Variants in SCHIP1 observed in about 807,000 individuals in gnomAD.
SCHIP1 encodes schwannomin interacting protein 1.
A neutral mutation model predicts 29.7 loss-of-function variants in SCHIP1; 8 were observed. The ratio of observed to expected loss-of-function variants is 0.27; its 90% CI spans 0.16 to 0.49. The LOEUF is 0.49. Among genes scored for constraint, SCHIP1 ranks in the 20% least tolerant of loss-of-function variants. SCHIP1 has a pLI of 0.99. For synonymous variants in SCHIP1, 76 were observed against 94.9 expected, an observed-to-expected ratio of 0.80 and a Z score of 1.16; for missense variants, 193 against 294.6, an observed-to-expected ratio of 0.66 and a Z score of 2.52.
chr3:159,348,231 A>G, the SCHIP1 span, among the ~76,000 whole-genome samples: 1 of 152,152 alleles, frequency 6.6e-6, no homozygotes, highest in African/African-American at 2.4e-5. Context: ...TAGCAAAGAT[A>G]CCACATACCT....
chr3:159,760,947 G>A, the SCHIP1 span, among the ~76,000 whole-genome samples: 20 of 152,216 alleles, frequency 1.3e-4, no homozygotes, highest in Admixed American at 3.9e-4. Flanking sequence ...TAAATGCAGT[G>A]AGTGTCACGG....
chr3:159,701,518 T>C, the SCHIP1 span, among the ~76,000 whole-genome samples: 10 of 152,342 alleles, frequency 6.6e-5, no homozygotes, highest in African/African-American at 2.2e-4. Flanking sequence ...ATCTTGATTC[T>C]TTAATAACTT....
chr3:159,554,418 G>C, the SCHIP1 span, among the ~76,000 whole-genome samples: 1 of 152,154 alleles, frequency 6.6e-6, no homozygotes, highest in Non-Finnish European at 1.5e-5. Context: ...TTTGGCCTTA[G>C]ATACATTCCT....
chr3:159,417,288 A>C, the SCHIP1 span, among the ~76,000 whole-genome samples: 2 of 152,220 alleles, frequency 1.3e-5, no homozygotes, highest in East Asian at 3.9e-4. Flanking sequence ...TAGGAGACTC[A>C]ATTGGCAGAA....
the SCHIP1 span, among the ~76,000 whole-genome samples, chr3:159,592,714 A>G: frequency 2.6e-5 from 4 of 152,070 alleles, no homozygotes; most frequent in African/African-American, 9.7e-5. Flanking sequence ...CTTTGTTCAT[A>G]TAACACTGTG....
At chr3:159,678,813 T>C in the SCHIP1 span, among the ~76,000 whole-genome samples, 2 of 152,110 alleles carry the variant, frequency 1.3e-5, no homozygotes, top group Non-Finnish European at 2.9e-5. Context: ...CTTCACAGAG[T>C]GGCAGAAGAC....
At chr3:159,552,032 CT>C in the SCHIP1 span, among the ~76,000 whole-genome samples, 3,326 of 103,520 alleles carry the variant, frequency 0.032, 21 homozygotes, top group East Asian at 0.12. Context: ...TGCCACATTG[CT>C]TTTTTTTTTT....
the SCHIP1 span, among the ~76,000 whole-genome samples, chr3:159,407,188 G>GA: frequency 6.6e-6 from 1 of 151,868 alleles, no homozygotes; most frequent in Non-Finnish European, 1.5e-5. Context: ...CAAAAATAAT[G>GA]AAAAAATATG....
chr3:159,660,580 A>G, the SCHIP1 span, among the ~76,000 whole-genome samples: 20 of 152,284 alleles, frequency 1.3e-4, no homozygotes, highest in Middle Eastern at 0.014. Flanking sequence ...ACATATGCAC[A>G]CATACAATGA....
At chr3:159,419,477 A>C in the SCHIP1 span, among the ~76,000 whole-genome samples, 1 of 152,152 alleles carries the variant, frequency 6.6e-6, no homozygotes, top group Non-Finnish European at 1.5e-5. Context: ...TTCTTTCTCC[A>C]CATTTTCACA....
chr3:159,820,038 G>A, the SCHIP1 span, among the ~76,000 whole-genome samples: 11 of 152,218 alleles, frequency 7.2e-5, no homozygotes, highest in Admixed American at 7.2e-4. Flanking sequence ...GGATTGGCCA[G>A]ATATTTCTGG....
the SCHIP1 span, among the ~76,000 whole-genome samples, chr3:159,333,808 A>G: frequency 7.0e-6 from 1 of 143,010 alleles, no homozygotes; most frequent in Non-Finnish European, 1.5e-5. Flanking sequence ...ATTAAATTGG[A>G]GACAGGAAGT....
At chr3:159,400,018 A>T in the SCHIP1 span, among the ~76,000 whole-genome samples, 6 of 152,186 alleles carry the variant, frequency 3.9e-5, no homozygotes, top group Non-Finnish European at 7.3e-5. Context: ...GAAACCAGAG[A>T]TTCTGCATGC....
At chr3:159,784,911 C>G in the SCHIP1 span, among the ~76,000 whole-genome samples, 1 of 152,244 alleles carries the variant, frequency 6.6e-6, no homozygotes, top group East Asian at 1.9e-4. Flanking sequence ...GCCTCTGCCC[C>G]CAAAGTGCTA....
the SCHIP1 span, among the ~76,000 whole-genome samples, chr3:159,759,750 A>G: frequency 6.6e-6 from 1 of 152,230 alleles, no homozygotes; most frequent in East Asian, 1.9e-4. Context: ...TGTAATAAAG[A>G]TGAAATACAA....
chr3:159,510,034 G>A, the SCHIP1 span, among the ~76,000 whole-genome samples: 1 of 152,270 alleles, frequency 6.6e-6, no homozygotes, highest in South Asian at 2.1e-4. Context: ...GGTTGGGGAA[G>A]TTCTCCTGGA....
At chr3:159,667,674 G>A in the SCHIP1 span, among the ~76,000 whole-genome samples, 9 of 152,230 alleles carry the variant, frequency 5.9e-5, no homozygotes, top group Middle Eastern at 3.4e-3. Flanking sequence ...AAGCCAGCAC[G>A]ATCCCCACAG....
chr3:159,763,561 C>A, the SCHIP1 span, among the ~76,000 whole-genome samples: 2 of 152,206 alleles, frequency 1.3e-5, no homozygotes, highest in South Asian at 2.1e-4. Flanking sequence ...CCAACCCCAT[C>A]CCAGCCTGCC....
intron 6 of SCHIP1, among the ~76,000 whole-genome samples, chr3:159,895,023 G>GT (rs1383856171): frequency 6.6e-6 from 1 of 152,188 alleles, no homozygotes; most frequent in Non-Finnish European, 1.5e-5. Flanking sequence ...AAAAATTACT[G>GT]TGAGAACTGT....
Sources: gnomAD v4.1 joint callset for allele counts (sites outside exome capture counted in the v4.1 genomes callset) on GRCh38, gnomAD v4.1.1 for gene constraint, MANE v1.5 for transcripts, NCBI Gene and HGNC (gene_info 2026-07-23, HGNC 2026-07-21) for gene names.